The following POU2F1 variants were observed in gnomAD, a reference collection of about 807,000 sequenced individuals.
The protein encoded by POU2F1 is POU class 2 homeobox 1.
POU2F1 carries 16 observed loss-of-function variants against 84.9 expected under a neutral mutation model. That is an observed-to-expected ratio of 0.19 (90% CI 0.13 to 0.29). The LOEUF (loss-of-function observed/expected upper bound fraction) is 0.29. Among genes scored for constraint, POU2F1 ranks in the 10% least tolerant of loss-of-function variants. The pLI is 1.00. For missense variants in POU2F1, 738 were observed against 942.6 expected, an observed-to-expected ratio of 0.78 and a Z score of 2.84; for synonymous variants, 368 against 368.3, an observed-to-expected ratio of 1.00 and a Z score of 0.01.
intron 1 of POU2F1, among the ~76,000 whole-genome samples, chr1:167,302,386 G>A (rs933496376): frequency 8.6e-5 from 13 of 151,774 alleles, no homozygotes; most frequent in South Asian, 2.1e-4. Context: ...TTAGCCTCCC[G>A]AGTAGCTGGG....
rs559828806 is a variant in POU2F1 at position 167,347,590 on chromosome 1, G to A, written c.127+15055G>A. 7.2e-5 allele frequency among the ~76,000 whole-genome samples: 11 copies of A among 152,284 alleles called. No homozygotes were observed. In the South Asian group the frequency reaches 2.3e-3, roughly 32 times the overall value. On this transcript the variant is annotated intron_variant, in intron 2 of 15. Coordinates refer to ENST00000367866, the MANE Select transcript of POU2F1 (RefSeq NM_002697.4). ...AAAATGAACAATTCAGTGGCATTTA[G>A]TGTATTCACAGTGTTGTGCAGCTAC...
chr1:167,375,987 A>G (rs202141360), intron 6 of POU2F1, 42 bp from the exon 7 acceptor site: 106 of 1,610,854 alleles, frequency 6.6e-5, no homozygotes, highest in Non-Finnish European at 8.4e-5. Context: ...GCGAACTTTT[A>G]TTTCAGAATC....
chr1:167,371,099 A>AAGAAAAAG (rs2101844179), intron 4 of POU2F1, among the ~76,000 whole-genome samples: 1 of 152,314 alleles, frequency 6.6e-6, no homozygotes, highest in Admixed American at 6.5e-5. Context: ...AAGGAGAGAA[A>AAGAAAAAG]AGAAAAAGAG....
At chr1:167,329,449 C>A in intron 1 of POU2F1, 1 of 922,218 alleles carries the variant, frequency 1.1e-6, no homozygotes. Flanking sequence ...AGGAGGAAAG[C>A]ATTTGCAAAG....
rs1650907437 is a variant in POU2F1, at chr1:167,425,605, G to A, written c.*9795G>A. The A allele has an allele frequency of 6.6e-6, 1 of 152,284 alleles. No homozygotes were observed. The highest frequency in any genetic ancestry group is 1.5e-5 in the Non-Finnish European group (1 of 68,124). 9.4% of individuals were successfully genotyped at this position (152,284 alleles called of 1,614,324 possible). A position where few individuals can be genotyped will look rare whatever the true frequency, so the allele number is the denominator to read the frequency against. Reference sequence around the variant, plus strand: ...CCTACACCAACCAGGGTCACTATGGGGACTTAGCACAGGGCCTAGGGAGGG... The same window carrying A: ...CCTACACCAACCAGGGTCACTATGGAGACTTAGCACAGGGCCTAGGGAGGG... On this transcript the variant is annotated 3_prime_UTR_variant, in exon 16 of 16. Transcript: ENST00000367866.
intron 3 of POU2F1, among the ~76,000 whole-genome samples, chr1:167,366,024 C>T (rs182346971): frequency 1.4e-3 from 210 of 152,268 alleles, no homozygotes; most frequent in African/African-American, 4.8e-3. Context: ...CTGTGACCCC[C>T]GCACCCTAGT....
At chr1:167,317,952 C>A (rs963720828) in intron 1 of POU2F1, among the ~76,000 whole-genome samples, 12 of 152,206 alleles carry the variant, frequency 7.9e-5, no homozygotes, top group African/African-American at 2.7e-4. Flanking sequence ...TATACACAGA[C>A]AACACAGATT....
At chr1:167,393,508 T>C (rs6427086) in intron 9 of POU2F1, among the ~76,000 whole-genome samples, 60,690 of 151,886 alleles carry the variant, frequency 0.4, 14,860 homozygotes, top group East Asian at 0.71. Context: ...ATTTATTTAT[T>C]TTTTTTAGAG....
chr1:167,350,786 G>A (rs1370257897), intron 2 of POU2F1, among the ~76,000 whole-genome samples: 1 of 152,050 alleles, frequency 6.6e-6, no homozygotes, highest in Non-Finnish European at 1.5e-5. Context: ...ATCACCTGAG[G>A]TCGGGAGTTC....
chr1:167,313,843 A>G (rs1461575685), intron 1 of POU2F1, among the ~76,000 whole-genome samples: 1 of 152,200 alleles, frequency 6.6e-6, no homozygotes. Flanking sequence ...ATATCTAATA[A>G]AGGACTCCTG....
chr1:167,358,067 G>A (rs184269033), intron 2 of POU2F1, among the ~76,000 whole-genome samples: 153 of 150,196 alleles, frequency 1.0e-3, no homozygotes, highest in Non-Finnish European at 1.7e-3. Context: ...CTTCCAAAGT[G>A]CTGGGATTAC....
rs1363570777 is a variant in POU2F1 at position 167,255,702 on chromosome 1, A to C, written c.61+34744A>C. Among the ~76,000 whole-genome samples, 4 of 152,274 alleles carry C rather than the reference A, an allele frequency of 2.6e-5. No homozygotes were observed. In the East Asian group the frequency reaches 7.7e-4, roughly 29 times the overall value. On this transcript the variant is annotated intron_variant, in intron 1 of 15. Transcript: ENST00000367866. ...CTAAAGGAGTCGCAGTTGGAGAGGA[A>C]GAGGATTGGAAAAAAGAACCATAAG...
At chr1:167,250,570 A>T (rs1480656918) in intron 1 of POU2F1, among the ~76,000 whole-genome samples, 4 of 152,210 alleles carry the variant, frequency 2.6e-5, no homozygotes, top group Non-Finnish European at 4.4e-5. Context: ...CCCTCAGAGG[A>T]TACTACTTTG....
At chr1:167,222,061 A>G (rs1018603047) in intron 1 of POU2F1, among the ~76,000 whole-genome samples, 3 of 151,754 alleles carry the variant, frequency 2.0e-5, no homozygotes, top group Admixed American at 2.0e-4. Flanking sequence ...ACCGGGACGC[A>G]CGGGGCGGGT....
At chr1:167,360,354 C>G (rs1043340614) in intron 2 of POU2F1, among the ~76,000 whole-genome samples, 3 of 152,152 alleles carry the variant, frequency 2.0e-5, no homozygotes, top group East Asian at 1.9e-4. Flanking sequence ...AGTATTTAAT[C>G]CATCTTGAGT....
chr1:167,247,657 T>G (rs1650435674), intron 1 of POU2F1, among the ~76,000 whole-genome samples: 2 of 152,226 alleles, frequency 1.3e-5, no homozygotes, highest in African/African-American at 2.4e-5. Context: ...TACATACTAT[T>G]CCATACTGTT....
intron 1 of POU2F1, among the ~76,000 whole-genome samples, chr1:167,283,563 C>G (rs190461105): frequency 1.8e-4 from 27 of 152,234 alleles, no homozygotes; most frequent in African/African-American, 5.8e-4. Context: ...TAAGACGTGA[C>G]AGCAATATGA....
At chr1:167,226,914 C>T (rs1284801745) in intron 1 of POU2F1, among the ~76,000 whole-genome samples, 1 of 152,136 alleles carries the variant, frequency 6.6e-6, no homozygotes, top group Non-Finnish European at 1.5e-5. Context: ...CAGCAAACCT[C>T]TAGATTTATC....
At chr1:167,301,122 A>T (rs1654671480) in intron 1 of POU2F1, among the ~76,000 whole-genome samples, 1 of 152,174 alleles carries the variant, frequency 6.6e-6, no homozygotes, top group African/African-American at 2.4e-5. Context: ...TATTAAATTT[A>T]TTTAAGGAAA....
Sources: gnomAD v4.1 joint callset for allele counts (sites outside exome capture counted in the v4.1 genomes callset) on GRCh38, gnomAD v4.1.1 for gene constraint, MANE v1.5 for transcripts, NCBI Gene and HGNC (gene_info 2026-07-23, HGNC 2026-07-21) for gene names.